LRRC69: variants seen among roughly 807,000 people sequenced by gnomAD.
LRRC69 encodes the protein leucine rich repeat containing 69.
Under a neutral mutation model 37.8 loss-of-function variants are expected in LRRC69, and 42 were observed. The ratio of observed to expected loss-of-function variants is 1.11; its 90% CI spans 0.87 to 1.44. LRRC69 has a LOEUF of 1.44. Among genes scored for constraint, LRRC69 ranks in the 40% most tolerant of loss-of-function variants. The pLI is 0.00. For missense variants in LRRC69, 357 were observed against 401.9 expected, an observed-to-expected ratio of 0.89 and a Z score of 0.96; for synonymous variants, 141 against 143.1, an observed-to-expected ratio of 0.99 and a Z score of 0.11.
chr8:91,132,719 T>C (rs928507637), intron 3 of LRRC69, among the ~76,000 whole-genome samples: 1 of 152,036 alleles, frequency 6.6e-6, no homozygotes, highest in Non-Finnish European at 1.5e-5. Context: ...ACTAGGTATA[T>C]TTATGTCTAT....
chr8:91,168,391 C>A (rs34377386), intron 5 of LRRC69, among the ~76,000 whole-genome samples: 7,904 of 151,962 alleles, frequency 0.052, 299 homozygotes, highest in Middle Eastern at 0.16. Flanking sequence ...TCCTGAACTA[C>A]TTCCAGTGGG....
intron 5 of LRRC69, among the ~76,000 whole-genome samples, chr8:91,176,774 C>T (rs1031730747): frequency 6.6e-6 from 1 of 152,126 alleles, no homozygotes; most frequent in South Asian, 2.1e-4. Flanking sequence ...ATGCCCTCAA[C>T]AGATTGGATA....
chr8:91,190,044 A>C (rs115525482), intron 6 of LRRC69, among the ~76,000 whole-genome samples: 1 of 152,320 alleles, frequency 6.6e-6, no homozygotes, highest in African/African-American at 2.4e-5. Flanking sequence ...ATGGTATTAA[A>C]AGAAGGAACA....
chr8:91,116,125 A>G (rs879780889), intron 1 of LRRC69, among the ~76,000 whole-genome samples: 3 of 152,010 alleles, frequency 2.0e-5, no homozygotes, highest in Non-Finnish European at 4.4e-5. Context: ...GTCAATATGT[A>G]TGTATGTGTG....
intron 5 of LRRC69, among the ~76,000 whole-genome samples, chr8:91,181,080 G>A (rs1311963627): frequency 1.3e-5 from 2 of 152,126 alleles, no homozygotes; most frequent in Non-Finnish European, 2.9e-5. Flanking sequence ...TATAGTATCT[G>A]AGTATAACTG....
intron 7 of LRRC69, among the ~76,000 whole-genome samples, chr8:91,204,688 T>A (rs1429185010): frequency 6.6e-6 from 1 of 152,254 alleles, no homozygotes; most frequent in Non-Finnish European, 1.5e-5. Context: ...TGAGTGCATG[T>A]GAATGCTGAT....
intron 5 of LRRC69, among the ~76,000 whole-genome samples, chr8:91,162,936 G>C (rs997596076): frequency 6.6e-6 from 1 of 150,896 alleles, no homozygotes; most frequent in African/African-American, 2.4e-5. Context: ...ATGTATTTCA[G>C]TTTTATTTAT....
intron 5 of LRRC69, among the ~76,000 whole-genome samples, chr8:91,151,452 A>G (rs1240785960): frequency 6.6e-6 from 1 of 151,324 alleles, no homozygotes; most frequent in Non-Finnish European, 1.5e-5. Flanking sequence ...TCTGAGGGAC[A>G]GTTTGTTATA....
chr8:91,197,833 T>C (rs1010813672), intron 6 of LRRC69, among the ~76,000 whole-genome samples: 15 of 152,136 alleles, frequency 9.9e-5, no homozygotes, highest in East Asian at 3.9e-4. Flanking sequence ...AGCTGTAGAC[T>C]GGAGCTGTTC....
intron 5 of LRRC69, among the ~76,000 whole-genome samples, chr8:91,169,752 C>T (rs1809093934): frequency 7.5e-6 from 1 of 134,080 alleles, no homozygotes; most frequent in Admixed American, 7.5e-5. Flanking sequence ...CAATTCCCAC[C>T]TATGAGTGAG....
At chr8:91,197,004 G>A (rs1398488841) in intron 6 of LRRC69, among the ~76,000 whole-genome samples, 1 of 151,338 alleles carries the variant, frequency 6.6e-6, no homozygotes, top group Non-Finnish European at 1.5e-5. Context: ...TGATGGTGAT[G>A]TACAGATGGG....
At chr8:91,126,600 T>G (rs2130505450) in intron 2 of LRRC69, among the ~76,000 whole-genome samples, 1 of 152,108 alleles carries the variant, frequency 6.6e-6, no homozygotes, top group South Asian at 2.1e-4. Context: ...CCTGTGGACA[T>G]GTGAGTTTGA....
intron 5 of LRRC69, among the ~76,000 whole-genome samples, chr8:91,186,212 G>C (rs889245539): frequency 4.6e-5 from 7 of 152,150 alleles, no homozygotes; most frequent in Non-Finnish European, 1.0e-4. Flanking sequence ...ATTGAATTTT[G>C]AGCTTGCATT....
At chr8:91,205,013 CTGT>C (rs1809776401) in intron 7 of LRRC69, among the ~76,000 whole-genome samples, 1 of 152,258 alleles carries the variant, frequency 6.6e-6, no homozygotes, top group South Asian at 2.1e-4. Context: ...TTATCTGTTA[CTGT>C]TTTTTGCCTT....
intron 5 of LRRC69, among the ~76,000 whole-genome samples, chr8:91,140,091 CAAAA>C (rs560827789): frequency 1.2e-4 from 14 of 114,996 alleles, no homozygotes; most frequent in Non-Finnish European, 1.3e-4. Flanking sequence ...AACTCCGTCT[CAAAA>C]AAAAAAAAAA....
chr8:91,156,270 G>A lies in LRRC69; in HGVS notation c.651+20531G>A, dbSNP rs910648077. Among the ~76,000 whole-genome samples the A allele has an allele frequency of 3.3e-5, 5 of 151,140 alleles. No individual in the cohort carries two copies. The South Asian group carries it at 8.3e-4, about 25-fold the overall frequency. Reference sequence around the variant, plus strand: ...CTTTTGGACAAGAGCCATTCCAACTGGGATGAGATATGTCTTACTGTGGTT... The same window carrying A: ...CTTTTGGACAAGAGCCATTCCAACTAGGATGAGATATGTCTTACTGTGGTT... On this transcript the variant is annotated intron_variant, in intron 5 of 7. Coordinates refer to ENST00000448384, the Ensembl canonical transcript of LRRC69.
intron 3 of LRRC69, among the ~76,000 whole-genome samples, chr8:91,128,361 G>A (rs12546650): frequency 0.43 from 65,361 of 151,840 alleles, 16,286 homozygotes; most frequent in South Asian, 0.63. Context: ...CAGTATTCAA[G>A]GAATCGTAAA....
chr8:91,169,523 A>AT (rs148090061), intron 5 of LRRC69, among the ~76,000 whole-genome samples: 5,073 of 150,618 alleles, frequency 0.034, 287 homozygotes, highest in African/African-American at 0.12. Flanking sequence ...TGTGTATATA[A>AT]TTTTTTTTTT....
At chr8:91,205,371 A>G (rs1268733471) in intron 7 of LRRC69, 5 of 152,304 alleles carry the variant, frequency 3.3e-5, no homozygotes, top group Non-Finnish European at 7.3e-5. Flanking sequence ...TACGTAGTTC[A>G]TTTATAATCC....
Sources: gnomAD v4.1 joint callset for allele counts (sites outside exome capture counted in the v4.1 genomes callset) on GRCh38, gnomAD v4.1.1 for gene constraint, MANE v1.5 for transcripts, NCBI Gene and HGNC (gene_info 2026-07-23, HGNC 2026-07-21) for gene names.